Variants in MAP2K3 observed in about 807,000 individuals in gnomAD.
The protein encoded by MAP2K3 is mitogen-activated protein kinase kinase 3, also known as dual specificity mitogen-activated protein kinase kinase 3.
A neutral mutation model predicts 46.4 loss-of-function variants in MAP2K3; 30 were observed. The ratio of observed to expected loss-of-function variants is 0.65; its 90% CI spans 0.48 to 0.88. The LOEUF is 0.88. Ranked by LOEUF, MAP2K3 falls within the 40% of genes least tolerant of loss-of-function variation. The pLI, the probability that MAP2K3 is intolerant of heterozygous loss-of-function variation, is 0.00. For missense variants in MAP2K3, 380 were observed against 464.5 expected, an observed-to-expected ratio of 0.82 and a Z score of 1.67; for synonymous variants, 189 against 176.3, an observed-to-expected ratio of 1.07 and a Z score of -0.57.
chr17:21,312,119 C>G (rs1977190768), intron 9 of MAP2K3, 23 bp from the exon 10 acceptor site: 2 of 1,505,606 alleles, frequency 1.3e-6, no homozygotes, highest in Non-Finnish European at 8.8e-7. Flanking sequence ...GCCGGGGCCT[C>G]TGACCCCCTG....
chr17:21,294,410 G>A (rs1439486712), intron 1 of MAP2K3, among the ~76,000 whole-genome samples: 1 of 152,312 alleles, frequency 6.6e-6, no homozygotes, highest in African/African-American at 2.4e-5. Context: ...TGGAGGCGGA[G>A]CAGGGGCTGC....
chr17:21,304,349 G>A (rs980279330), intron 7 of MAP2K3, 77 bp from the exon 8 acceptor site: 7 of 1,608,566 alleles, frequency 4.4e-6, no homozygotes, highest in East Asian at 2.2e-5. Context: ...AGGGAGGGGG[G>A]CACAGCTATG....
chr17:21,298,949 G>A (rs781216592), intron 3 of MAP2K3, 23 bp downstream of exon 3: 3 of 1,613,468 alleles, frequency 1.9e-6, no homozygotes, highest in Non-Finnish European at 2.5e-6. Context: ...CGCCACCCCT[G>A]CAGGGCCTCT....
chr17:21,294,351 A>G (rs1329493244), intron 1 of MAP2K3, among the ~76,000 whole-genome samples: 1 of 152,310 alleles, frequency 6.6e-6, no homozygotes, highest in Non-Finnish European at 1.5e-5. Flanking sequence ...GTTGTCAGAA[A>G]CCTGGTGATG....
At chr17:21,306,830 G>A (rs1323236983) in intron 9 of MAP2K3, among the ~76,000 whole-genome samples, 1 of 152,144 alleles carries the variant, frequency 6.6e-6, no homozygotes, top group Non-Finnish European at 1.5e-5. Flanking sequence ...CTGTTGCTCA[G>A]GCTGGAGTGC....
intron 3 of MAP2K3, among the ~76,000 whole-genome samples, chr17:21,300,120 C>T (rs1172422329): frequency 6.6e-6 from 1 of 152,308 alleles, no homozygotes; most frequent in Non-Finnish European, 1.5e-5. Flanking sequence ...GAGAGGGAAA[C>T]ATCTGTGAAG....
intron 1 of MAP2K3, among the ~76,000 whole-genome samples, chr17:21,289,849 C>G (rs1975834253): frequency 6.6e-6 from 1 of 152,226 alleles, no homozygotes; most frequent in Non-Finnish European, 1.5e-5. Flanking sequence ...GTCCTTGTCA[C>G]CTCCCTGCCC....
chr17:21,298,607 G>A, intron 2 of MAP2K3, 128 bp downstream of exon 2: 10 of 1,475,128 alleles, frequency 6.8e-6, no homozygotes, highest in South Asian at 2.3e-5. Context: ...AGCCCCTGCT[G>A]TGCATACAGC....
At chr17:21,307,838 C>A (rs1161890605) in intron 9 of MAP2K3, among the ~76,000 whole-genome samples, 1 of 142,632 alleles carries the variant, frequency 7.0e-6, no homozygotes, top group Admixed American at 7.3e-5. Flanking sequence ...CCACCATGCC[C>A]GGCTATCTTT....
chr17:21,308,968 C>T (rs1977032320), intron 9 of MAP2K3, among the ~76,000 whole-genome samples: 1 of 152,420 alleles, frequency 6.6e-6, no homozygotes, highest in Non-Finnish European at 1.5e-5. Flanking sequence ...TGACCCAAAC[C>T]AACAGCGGTT....
At position 21,293,787 on chromosome 17, in the gene MAP2K3, C is replaced by T. The variant is rs1355188338; in HGVS notation, c.50-4626C>T. Among the ~76,000 whole-genome samples, 3 of 152,308 alleles carry T rather than the reference C, an allele frequency of 2.0e-5. No individual in the cohort carries two copies. The East Asian group carries it at 5.8e-4, about 29-fold the overall frequency. ...ATAGAGAAGGTAGGGCCTGCAGTGG[C>T]CGTGTATGAGGCCAGATGGCACAGC... is the stretch of plus-strand genomic sequence containing the variant. On this transcript the variant is annotated intron_variant, in intron 1 of 11. Coordinates refer to ENST00000342679, the MANE Select transcript of MAP2K3 (RefSeq NM_145109.3).
intron 1 of MAP2K3, chr17:21,296,009 C>G (rs896463486): frequency 7.8e-7 from 1 of 1,276,710 alleles, no homozygotes; most frequent in Non-Finnish European, 1.0e-6. Context: ...ATTCTGGTTA[C>G]GAAAAGCCTG....
intron 6 of MAP2K3, 68 bp downstream of exon 6, chr17:21,302,327 G>A: frequency 6.6e-7 from 1 of 1,504,906 alleles, no homozygotes; most frequent in Non-Finnish European, 9.2e-7. Flanking sequence ...CTGCCAGCAG[G>A]CATGGAGCCT....
At chr17:21,309,384 C>T (rs952016949) in intron 9 of MAP2K3, among the ~76,000 whole-genome samples, 1 of 25,536 alleles carries the variant, frequency 3.9e-5, no homozygotes, top group Non-Finnish European at 9.3e-5. Context: ...GAGGTGGTCA[C>T]TTTAGGCACA....
chr17:21,304,346 G>T (rs970273226), intron 7 of MAP2K3, 80 bp from the exon 8 acceptor site: 2 of 1,607,158 alleles, frequency 1.2e-6, no homozygotes, highest in East Asian at 4.5e-5. Flanking sequence ...GCGAGGGAGG[G>T]GGGCACAGCT....
intron 5 of MAP2K3, among the ~76,000 whole-genome samples, chr17:21,301,552 A>AT (rs1019099836): frequency 2.0e-4 from 30 of 152,418 alleles, no homozygotes; most frequent in African/African-American, 7.2e-4. Flanking sequence ...GGGTCAGGGC[A>AT]TCTGAGTCCA....
In MAP2K3 at chr17:21,298,425, G is replaced by A. The variant is rs748633910; in HGVS notation, c.62G>A (p.Arg21Lys). The A allele has an allele frequency of 1.9e-6, 3 of 1,614,190 alleles. No individual in the cohort carries two copies. Among genetic ancestry groups the A allele is most frequent in the African/African-American group, 2.7e-5 (2 of 74,964 alleles). The change falls in exon 2 of 12, where the codon AGG becomes AAG. Residue 21 changes from arginine to lysine, a missense_variant. Transcript: ENST00000342679. ...SMPQSKGKSK[R>K]KKDLRISCMS... ...CTCTCCATTCTAGGAAAATCCAAGA[G>A]GAAGAAGGATCTACGGATATCCTGC...
At chr17:21,296,741 G>A (rs1187481491) in intron 1 of MAP2K3, among the ~76,000 whole-genome samples, 1 of 152,312 alleles carries the variant, frequency 6.6e-6, no homozygotes, top group Non-Finnish European at 1.5e-5. Flanking sequence ...CCGGTGCTGT[G>A]GCTGTGACAG....
Position 21,314,545 on chromosome 17 carries a change from A to C in MAP2K3, c.*315A>C. 1 of 354,792 alleles carries C rather than the reference A, an allele frequency of 2.8e-6. No individual in the cohort carries two copies. Among genetic ancestry groups the C allele is most frequent in the South Asian group, 3.9e-5 (1 of 25,358 alleles). 22.0% of individuals were successfully genotyped at this position (354,792 alleles called of 1,614,324 possible). On this transcript the variant is annotated 3_prime_UTR_variant, in exon 12 of 12. Transcript: ENST00000342679. ...CCCCTGTGGATGCTGCTGCCCCTGC[A>C]CAGCAGGCTGCCAGTGCCTGGGTGG...
Sources: gnomAD v4.1 joint callset for allele counts (sites outside exome capture counted in the v4.1 genomes callset) on GRCh38, gnomAD v4.1.1 for gene constraint, MANE v1.5 for transcripts, NCBI Gene and HGNC (gene_info 2026-07-23, HGNC 2026-07-21) for gene names.